Variants in IGHMBP2 observed in about 807,000 individuals in gnomAD.
IGHMBP2 encodes DNA-binding protein SMUBP-2.
A neutral mutation model predicts 96.0 loss-of-function variants in IGHMBP2; 81 were observed. The observed-to-expected ratio is 0.84, with a 90% confidence interval of 0.71 to 1.01. The LOEUF (loss-of-function observed/expected upper bound fraction) is 1.01. Among genes scored for constraint, IGHMBP2 ranks in the 50% least tolerant of loss-of-function variants. The pLI, the probability that IGHMBP2 is intolerant of heterozygous loss-of-function variation, is 0.00. For missense variants in IGHMBP2, 1,227 were observed against 1,306.3 expected, an observed-to-expected ratio of 0.94 and a Z score of 0.94; for synonymous variants, 557 against 548.9, an observed-to-expected ratio of 1.01 and a Z score of -0.21.
At chr11:68,911,082 G>T (rs912707507) in intron 4 of IGHMBP2, among the ~76,000 whole-genome samples, 2 of 152,090 alleles carry the variant, frequency 1.3e-5, no homozygotes, top group African/African-American at 4.8e-5. Context: ...TAGAGCAGGG[G>T]TTTTTCCTGT....
intron 6 of IGHMBP2, among the ~76,000 whole-genome samples, chr11:68,917,019 C>T (rs184734570): frequency 0.03 from 3,775 of 125,512 alleles, 170 homozygotes; most frequent in African/African-American, 0.11. Flanking sequence ...CTTGCTCTGT[C>T]GCCCAGGCTG....
intron 9 of IGHMBP2, 97 bp downstream of exon 9, chr11:68,933,578 G>T: frequency 6.9e-7 from 1 of 1,442,054 alleles, no homozygotes; most frequent in South Asian, 1.2e-5. Flanking sequence ...GAAGCTTTCT[G>T]CATGAAAGTC....
chr11:68,921,425 T>C (rs1023105701), intron 7 of IGHMBP2, among the ~76,000 whole-genome samples: 11 of 152,180 alleles, frequency 7.2e-5, no homozygotes, highest in African/African-American at 2.7e-4. Context: ...GCTTGTTAGC[T>C]ATATATCTGT....
At chr11:68,929,646 C>A in intron 8 of IGHMBP2, 1 of 702,864 alleles carries the variant, frequency 1.4e-6, no homozygotes, top group Non-Finnish European at 1.7e-6. Flanking sequence ...TTGAATATCC[C>A]CTCATGAACC....
At chr11:68,922,584 C>T (rs1342197684) in intron 7 of IGHMBP2, among the ~76,000 whole-genome samples, 4 of 152,148 alleles carry the variant, frequency 2.6e-5, no homozygotes, top group Non-Finnish European at 5.9e-5. Context: ...TTAGTAGAGA[C>T]GGGGTTTCAC....
At position 68,930,129 on chromosome 11, in the gene IGHMBP2, T is replaced by A. The variant is rs547663526; in HGVS notation, c.1235+772T>A. Reference sequence around the variant, plus strand: ...CTGCATGGTATCCCTTGACTGCCCTTACACGAGGCCTGTGAACAGGGCCTG... The same window carrying A: ...CTGCATGGTATCCCTTGACTGCCCTAACACGAGGCCTGTGAACAGGGCCTG... On this transcript the variant is annotated intron_variant, in intron 8 of 14. Transcript: ENST00000255078. The A allele has an allele frequency of 1.2e-4, 144 of 1,191,062 alleles. 1 individual carries two copies. In the South Asian group the frequency reaches 2.2e-3, roughly 18 times the overall value. 73.8% of individuals were successfully genotyped at this position (1,191,062 alleles called of 1,614,324 possible). A position where few individuals can be genotyped will look rare whatever the true frequency, so the allele number is the denominator to read the frequency against.
chr11:68,938,975 C>T (rs981053632), intron 14 of IGHMBP2, among the ~76,000 whole-genome samples: 1 of 152,080 alleles, frequency 6.6e-6, no homozygotes, highest in Non-Finnish European at 1.5e-5. Flanking sequence ...AACACTGGAG[C>T]TGAGACCTGT....
intron 13 of IGHMBP2, 125 bp from the exon 14 acceptor site, chr11:68,938,057 G>A (rs1056035880): frequency 3.2e-5 from 34 of 1,071,996 alleles, no homozygotes; most frequent in Middle Eastern, 2.6e-4. Flanking sequence ...TCCTACCTCA[G>A]CCTCCCAAAA....
chr11:68,914,660 C>T (rs186155143), intron 5 of IGHMBP2, among the ~76,000 whole-genome samples, 163 bp from the exon 6 acceptor site: 1 of 152,330 alleles, frequency 6.6e-6, no homozygotes, highest in East Asian at 1.9e-4. Context: ...CCGGAAGAAT[C>T]GGATCACACG....
chr11:68,931,639 A>G (rs1859304815), intron 8 of IGHMBP2, among the ~76,000 whole-genome samples: 1 of 152,144 alleles, frequency 6.6e-6, no homozygotes, highest in Non-Finnish European at 1.5e-5. Flanking sequence ...TGGAGTGTGC[A>G]GCCACAGCCA....
chr11:68,914,584 A>G (rs374971381), intron 5 of IGHMBP2, among the ~76,000 whole-genome samples: 15 of 152,324 alleles, frequency 9.8e-5, no homozygotes, highest in South Asian at 4.1e-4. Flanking sequence ...AACCAACTCA[A>G]TTAGATCCCC....
rs372125510 is a variant in IGHMBP2 at position 68,931,439 on chromosome 11, C to T, written c.1236-1860C>T. Among the ~76,000 whole-genome samples, 512 of 152,230 alleles carry T rather than the reference C, an allele frequency of 3.4e-3. 3 individuals carry two copies. Among genetic ancestry groups the T allele is most frequent in the Admixed American group, 0.014 (212 of 15,290 alleles). ...CACAGATCTGGCGGCTGCAGCTGCACGCGGAAAGGCAGATCCTACCTGTTC... is the reference window on the plus strand; with the variant it reads ...CACAGATCTGGCGGCTGCAGCTGCATGCGGAAAGGCAGATCCTACCTGTTC... On this transcript the variant is annotated intron_variant, in intron 8 of 14. Coordinates refer to ENST00000255078, the MANE Select transcript of IGHMBP2 (RefSeq NM_002180.3).
intron 8 of IGHMBP2, 98 bp downstream of exon 8, chr11:68,929,455 G>A (rs1209403230): frequency 2.5e-6 from 3 of 1,179,154 alleles, no homozygotes; most frequent in East Asian, 2.4e-5. Flanking sequence ...GAGCCCCTGC[G>A]GTGCCTCCTC....
At chr11:68,930,076 G>T (rs920658892) in intron 8 of IGHMBP2, 3 of 1,164,114 alleles carry the variant, frequency 2.6e-6, no homozygotes, top group African/African-American at 1.6e-5. Context: ...TGGGTGTGGC[G>T]GGCGTGCCCT....
chr11:68,929,645 C>A (rs1859198801), intron 8 of IGHMBP2: 2 of 682,136 alleles, frequency 2.9e-6, no homozygotes, highest in Non-Finnish European at 3.6e-6. Flanking sequence ...GTTGAATATC[C>A]CCTCATGAAC....
At chr11:68,938,670 G>A (rs1859642812) in intron 14 of IGHMBP2, among the ~76,000 whole-genome samples, 1 of 152,122 alleles carries the variant, frequency 6.6e-6, no homozygotes, top group East Asian at 1.9e-4. Flanking sequence ...GAGGTGGGAG[G>A]CAGAGCCTCC....
rs767731026 is a variant in IGHMBP2, at chr11:68,939,687, C to G, written c.2938C>G (p.Leu980Val). The G allele has an allele frequency of 1.9e-6, 3 of 1,612,590 alleles. No individual in the cohort carries two copies. The highest frequency in any genetic ancestry group is 2.5e-6 in the Non-Finnish European group (3 of 1,179,674). Residue 980 changes from leucine to valine, a missense_variant, in exon 15 of 15, where the codon CTC (leucine) becomes GTC (valine). By Grantham distance (32) the Leu-to-Val change is conservative (BLOSUM62 1). Around this residue, in one of 3 missense-constraint regions of IGHMBP2, gnomAD observed 703 missense variants for 770.3 expected, o/e 0.91. Coordinates refer to ENST00000255078, the MANE Select transcript of IGHMBP2 (RefSeq NM_002180.3). ...GAGGCTGGATAAGAAGCTGAGTGAG[C>G]TCAGCAACCAGAGGACCAGCCGGAG... ...QRRLDKKLSE[L>V]SNQRTSRRKE...
Position 68,915,039 on chromosome 11 carries a change from A to G in IGHMBP2, c.912+16A>G, listed in dbSNP as rs1453067845. 1 of 1,609,916 alleles carries G rather than the reference A, an allele frequency of 6.2e-7. No homozygotes were observed. Among genetic ancestry groups the G allele is most frequent in the Non-Finnish European group, 8.5e-7 (1 of 1,176,452 alleles). On this transcript the variant is annotated intron_variant, in intron 6 of 14. Transcript: ENST00000255078. Reference sequence around the variant, plus strand: ...CCAGGTCTTTGTAGGTGTCATGGCCAGTGTCCATGTGGGGCGTGGGCTTCT... The same window carrying G: ...CCAGGTCTTTGTAGGTGTCATGGCCGGTGTCCATGTGGGGCGTGGGCTTCT...
rs540534910 is a variant in IGHMBP2, at chr11:68,936,598, T to A, written c.2118T>A (p.Ala706=). 6.2e-7 allele frequency: 1 copy of A among 1,612,764 alleles called. No individual in the cohort carries two copies. Among genetic ancestry groups the A allele is most frequent in the Middle Eastern group, 1.6e-4 (1 of 6,062 alleles). ...CTGGGAAGTCTCTGGCCTCTGAAGC[T>A]CCATCTCAGCCCAGCCTCAACGGAG... ...KPAGKSLASE[A]PSQPSLNGGS... is the part of the protein sequence containing the mutation. Residue 706 remains alanine (A), a synonymous_variant, in exon 13 of 15, where the codon GCT becomes GCA. Coordinates refer to ENST00000255078, the MANE Select transcript of IGHMBP2 (RefSeq NM_002180.3).
Sources: gnomAD v4.1 joint callset for allele counts (sites outside exome capture counted in the v4.1 genomes callset) on GRCh38, gnomAD v4.1.1 for gene constraint, gnomAD v4.1.1 regional missense constraint, MANE v1.5 for transcripts, NCBI Gene and HGNC (gene_info 2026-07-23, HGNC 2026-07-21) for gene names.